RNGTT: variants seen among roughly 807,000 people sequenced by gnomAD.
RNGTT encodes the protein RNA guanylyltransferase and 5'-phosphatase.
Under a neutral mutation model 79.3 loss-of-function variants are expected in RNGTT, and 33 were observed. That is an observed-to-expected ratio of 0.42 (90% CI 0.32 to 0.56). The LOEUF is 0.56. Ranked by LOEUF, RNGTT falls within the 20% of genes least tolerant of loss-of-function variation. The probability of loss-of-function intolerance (pLI) is 0.17; values close to 1 mark genes in which losing one functional copy is unlikely to be tolerated. For synonymous variants in RNGTT, 222 were observed against 235.9 expected, an observed-to-expected ratio of 0.94 and a Z score of 0.54; for missense variants, 497 against 739.1, an observed-to-expected ratio of 0.67 and a Z score of 3.80.
At chr6:88,831,702 C>A (rs1246178466) in intron 11 of RNGTT, among the ~76,000 whole-genome samples, 3 of 152,196 alleles carry the variant, frequency 2.0e-5, no homozygotes, top group Non-Finnish European at 4.4e-5. Flanking sequence ...ACCGTCTCAG[C>A]CCCAAATCAA....
At chr6:88,901,779 G>A (rs1474044362) in intron 6 of RNGTT, among the ~76,000 whole-genome samples, 6 of 152,146 alleles carry the variant, frequency 3.9e-5, no homozygotes, top group Non-Finnish European at 5.9e-5. Flanking sequence ...TTTCAGGCGT[G>A]AGCCACTGCG....
chr6:88,848,920 G>A (rs1781576551), intron 10 of RNGTT, among the ~76,000 whole-genome samples: 1 of 151,920 alleles, frequency 6.6e-6, no homozygotes, highest in Admixed American at 6.6e-5. Flanking sequence ...CTTCTATATG[G>A]TGAAATTTTT....
intron 13 of RNGTT, among the ~76,000 whole-genome samples, chr6:88,701,100 GGAAGAA>G (rs751602054): frequency 6.6e-6 from 1 of 151,134 alleles, no homozygotes; most frequent in Non-Finnish European, 1.5e-5. Context: ...AGGAAGAAGT[GGAAGAA>G]GAAGAAGAAA....
intron 14 of RNGTT, among the ~76,000 whole-genome samples, chr6:88,635,895 T>A (rs9451045): frequency 2.0e-5 from 3 of 151,742 alleles, no homozygotes; most frequent in African/African-American, 4.8e-5. Context: ...TATGCTACCA[T>A]GAGATCACAG....
chr6:88,958,604 T>C (rs1247658137), intron 1 of RNGTT, among the ~76,000 whole-genome samples: 2 of 152,106 alleles, frequency 1.3e-5, no homozygotes, highest in African/African-American at 2.4e-5. Context: ...CCAAGAAGCA[T>C]ATGAAAAATG....
chr6:88,900,604 G>T (rs9362585), intron 6 of RNGTT, among the ~76,000 whole-genome samples: 14,735 of 151,610 alleles, frequency 0.097, 1,649 homozygotes, highest in African/African-American at 0.27. Context: ...CGTAGTGGCA[G>T]GTGCCAATAG....
intron 12 of RNGTT, among the ~76,000 whole-genome samples, chr6:88,783,605 C>A (rs1276356316): frequency 1.3e-5 from 2 of 152,074 alleles, no homozygotes; most frequent in Non-Finnish European, 2.9e-5. Flanking sequence ...GTTAAGATAT[C>A]TGTTCAAGTA....
intron 11 of RNGTT, among the ~76,000 whole-genome samples, chr6:88,814,453 G>A (rs1780250006): frequency 6.6e-6 from 1 of 152,074 alleles, no homozygotes; most frequent in African/African-American, 2.4e-5. Flanking sequence ...AGCTTTTAAA[G>A]CCCTTTTTTT....
chr6:88,650,999 C>T (rs531174703), intron 14 of RNGTT, among the ~76,000 whole-genome samples: 1 of 152,206 alleles, frequency 6.6e-6, no homozygotes, highest in East Asian at 1.9e-4. Context: ...CAAGAATTCT[C>T]AGCTTTTGCT....
chr6:88,654,403 A>G (rs1197959025), intron 14 of RNGTT, among the ~76,000 whole-genome samples: 2 of 151,964 alleles, frequency 1.3e-5, no homozygotes, highest in African/African-American at 4.8e-5. Flanking sequence ...TTTTCTTTCT[A>G]ATTTTTTCAT....
chr6:88,757,820 GCCAA>G (rs1444248538), intron 13 of RNGTT, among the ~76,000 whole-genome samples: 1 of 152,122 alleles, frequency 6.6e-6, no homozygotes, highest in African/African-American at 2.4e-5. Context: ...GTTTTGACAG[GCCAA>G]CCATGTAGCT....
At chr6:88,872,755 A>G (rs905442773) in intron 8 of RNGTT, among the ~76,000 whole-genome samples, 2 of 152,190 alleles carry the variant, frequency 1.3e-5, no homozygotes, top group African/African-American at 4.8e-5. Flanking sequence ...CACTATTTCA[A>G]TAAATTTCTG....
intron 11 of RNGTT, among the ~76,000 whole-genome samples, chr6:88,823,075 GA>G (rs1172459448): frequency 1.3e-5 from 2 of 152,154 alleles, no homozygotes; most frequent in Admixed American, 1.3e-4. Context: ...ATCCATAAAA[GA>G]AAAATAATTC....
chr6:88,649,203 G>T lies in RNGTT; in HGVS notation c.1506+29150C>A, dbSNP rs546554532. On this transcript the variant is annotated intron_variant, in intron 14 of 15. Coordinates refer to ENST00000369485, the MANE Select transcript of RNGTT (RefSeq NM_003800.5). ...TTTTTGACTAGCAGGTAAATTTTGA[G>T]ACATGTAACAGACAAGAAAATAGTA... Among the ~76,000 whole-genome samples the T allele has an allele frequency of 4.6e-5, 7 of 152,280 alleles. No homozygotes were observed. In the South Asian group the frequency reaches 1.4e-3, roughly 32 times the overall value.
intron 6 of RNGTT, among the ~76,000 whole-genome samples, chr6:88,896,385 T>C (rs962514610): frequency 6.6e-6 from 1 of 152,192 alleles, no homozygotes; most frequent in Non-Finnish European, 1.5e-5. Context: ...TAATTTGGAA[T>C]TGGGATTCCG....
chr6:88,901,011 G>A (rs1382173904), intron 6 of RNGTT, among the ~76,000 whole-genome samples: 2 of 151,330 alleles, frequency 1.3e-5, no homozygotes, highest in African/African-American at 4.9e-5. Context: ...GTGTGGTGGT[G>A]CACACCTGTA....
At chr6:88,714,724 G>T (rs577216388) in intron 13 of RNGTT, among the ~76,000 whole-genome samples, 1 of 89,780 alleles carries the variant, frequency 1.1e-5, no homozygotes, top group Non-Finnish European at 1.9e-5. Flanking sequence ...TTACAGGCGT[G>T]AGCCACCGCG....
At chr6:88,883,779 T>G (rs2127929472) in intron 8 of RNGTT, among the ~76,000 whole-genome samples, 1 of 152,090 alleles carries the variant, frequency 6.6e-6, no homozygotes, top group African/African-American at 2.4e-5. Context: ...CAATAAAAAT[T>G]AATAAACTTG....
intron 4 of RNGTT, among the ~76,000 whole-genome samples, chr6:88,918,467 G>A (rs943237300): frequency 2.0e-5 from 3 of 152,090 alleles, no homozygotes; most frequent in African/African-American, 2.4e-5. Context: ...AGAAGGGTAC[G>A]GGGTTTTTTT....
Sources: gnomAD v4.1 joint callset for allele counts (sites outside exome capture counted in the v4.1 genomes callset) on GRCh38, gnomAD v4.1.1 for gene constraint, MANE v1.5 for transcripts, NCBI Gene and HGNC (gene_info 2026-07-23, HGNC 2026-07-21) for gene names.